MEIS1: variants seen among roughly 807,000 people sequenced by gnomAD.
MEIS1 encodes the protein Meis homeobox 1.
A neutral mutation model predicts 50.8 loss-of-function variants in MEIS1; 5 were observed. The ratio of observed to expected loss-of-function variants is 0.10; its 90% CI spans 0.05 to 0.21. The LOEUF (loss-of-function observed/expected upper bound fraction) is 0.21. Among genes scored for constraint, MEIS1 ranks in the 10% least tolerant of loss-of-function variants. MEIS1 has a pLI of 1.00. For missense variants in MEIS1, 318 were observed against 517.3 expected (o/e 0.61, Z 3.74); for synonymous variants, 176 against 179.3 (o/e 0.98, Z 0.15).
chr2:66,440,069 A>ACACC, intron 3 of MEIS1, 85 bp downstream of exon 3: 1 of 661,374 alleles, frequency 1.5e-6, no homozygotes, highest in African/African-American at 6.1e-5. Context: ...GCGCGCGCGA[A>ACACC]CACACACACA....
chr2:66,563,853 T>G (rs547829089), intron 9 of MEIS1, among the ~76,000 whole-genome samples: 2 of 152,302 alleles, frequency 1.3e-5, no homozygotes, highest in South Asian at 4.1e-4. Flanking sequence ...AGAGAGAGGA[T>G]GTATAAAATA....
intron 7 of MEIS1, among the ~76,000 whole-genome samples, chr2:66,503,844 G>A (rs769462941): frequency 8.1e-5 from 12 of 147,520 alleles, no homozygotes; most frequent in Non-Finnish European, 1.5e-4. Context: ...TCCCGGGTTC[G>A]CGCCATTCTC....
chr2:66,566,673 A>G (rs1184257733), intron 9 of MEIS1, among the ~76,000 whole-genome samples: 3 of 152,140 alleles, frequency 2.0e-5, no homozygotes, highest in Non-Finnish European at 4.4e-5. Flanking sequence ...AAACTATCTT[A>G]TTAAGGCACT....
chr2:66,498,247 A>G (rs1250357687), intron 7 of MEIS1, among the ~76,000 whole-genome samples: 5 of 152,280 alleles, frequency 3.3e-5, no homozygotes, highest in African/African-American at 1.2e-4. Context: ...ACGATGCGCG[A>G]AACATTTTTA....
At chr2:66,543,521 C>T (rs1409305650) in intron 8 of MEIS1, among the ~76,000 whole-genome samples, 2 of 152,162 alleles carry the variant, frequency 1.3e-5, no homozygotes, top group East Asian at 1.9e-4. Flanking sequence ...CCAAACCAGC[C>T]TAATACACAT....
At chr2:66,490,786 T>C (rs1463876120) in intron 7 of MEIS1, among the ~76,000 whole-genome samples, 5 of 152,162 alleles carry the variant, frequency 3.3e-5, no homozygotes, top group African/African-American at 9.7e-5. Flanking sequence ...CCACACTTTG[T>C]TTTTATAGGG....
chr2:66,562,550 T>C (rs1675245085), intron 9 of MEIS1, among the ~76,000 whole-genome samples: 1 of 152,204 alleles, frequency 6.6e-6, no homozygotes. Context: ...ATTCAATTTT[T>C]AGATGATCCA....
intron 7 of MEIS1, among the ~76,000 whole-genome samples, chr2:66,506,052 G>A (rs1673678565): frequency 6.6e-6 from 1 of 152,178 alleles, no homozygotes; most frequent in Admixed American, 6.5e-5. Flanking sequence ...CATTTTATAA[G>A]CGATGAACAA....
chr2:66,504,361 G>A (rs865863539), intron 7 of MEIS1, among the ~76,000 whole-genome samples: 2 of 152,212 alleles, frequency 1.3e-5, no homozygotes, highest in Middle Eastern at 6.8e-3. Context: ...AGCCTCCCGA[G>A]TAGCTGGGAT....
At chr2:66,442,130 T>G (rs988664293) in intron 5 of MEIS1, among the ~76,000 whole-genome samples, 8 of 152,206 alleles carry the variant, frequency 5.3e-5, no homozygotes, top group African/African-American at 1.9e-4. Context: ...AAAAACTTAA[T>G]GCATTGTAAT....
At chr2:66,465,254 T>C (rs1439443399) in intron 7 of MEIS1, among the ~76,000 whole-genome samples, 5 of 152,220 alleles carry the variant, frequency 3.3e-5, no homozygotes, top group African/African-American at 1.2e-4. Context: ...GTACTGGGAA[T>C]AACTTCAACA....
At chr2:66,441,718 A>G (rs1671988893) in intron 5 of MEIS1, 3 of 466,250 alleles carry the variant, frequency 6.4e-6, no homozygotes, top group East Asian at 4.2e-5. Flanking sequence ...TTGTGTAAAT[A>G]GTTGCAATTC....
At chr2:66,568,393 C>T in intron 10 of MEIS1, 3 of 335,622 alleles carry the variant, frequency 8.9e-6, no homozygotes, top group Admixed American at 4.5e-5. Flanking sequence ...AACTTTTTTT[C>T]TTCCAACACC....
At chr2:66,443,737 G>A (rs1672057932) in intron 6 of MEIS1, 1 of 152,432 alleles carries the variant, frequency 6.6e-6, no homozygotes, top group Non-Finnish European at 1.5e-5. Flanking sequence ...CAGCTGGTAT[G>A]TGCTCTGGGC....
intron 8 of MEIS1, among the ~76,000 whole-genome samples, chr2:66,538,181 T>C (rs1409628156): frequency 6.6e-6 from 1 of 152,148 alleles, no homozygotes; most frequent in Non-Finnish European, 1.5e-5. Context: ...AAATTGACGC[T>C]AAGAAAGAAA....
intron 8 of MEIS1, among the ~76,000 whole-genome samples, chr2:66,539,768 G>A (rs897218230): frequency 2.6e-5 from 4 of 152,084 alleles, no homozygotes; most frequent in Non-Finnish European, 2.9e-5. Context: ...CCTTTGGCTG[G>A]ATGCTGGAAG....
chr2:66,477,361 A>G (rs1672918759), intron 7 of MEIS1, among the ~76,000 whole-genome samples: 1 of 152,176 alleles, frequency 6.6e-6, no homozygotes. Flanking sequence ...AAGACTGACT[A>G]CACAGACTAC....
chr2:66,570,366 T>C (rs1217818813), intron 12 of MEIS1: 1 of 152,182 alleles, frequency 6.6e-6, no homozygotes, highest in African/African-American at 2.4e-5. Context: ...ACAAAAAAAA[T>C]TATCATCTTT....
chr2:66,485,990 G>T (rs1310734998), intron 7 of MEIS1, among the ~76,000 whole-genome samples: 1 of 152,140 alleles, frequency 6.6e-6, no homozygotes, highest in African/African-American at 2.4e-5. Context: ...CTAGATTCTG[G>T]ATATTAGCCC....
Sources: allele counts gnomAD v4.1 joint callset (sites outside exome capture counted in the v4.1 genomes callset), GRCh38; gene constraint gnomAD v4.1.1; transcripts MANE v1.5; gene names NCBI Gene and HGNC (gene_info 2026-07-23, HGNC 2026-07-21).